TP53AIP1: variants seen among roughly 807,000 people sequenced by gnomAD.
TP53AIP1 encodes the protein tumor protein p53 regulated apoptosis inducing protein 1.
In TP53AIP1, 14 loss-of-function variants were observed where a neutral mutation model predicts 9.5. That is an observed-to-expected ratio of 1.47 (90% confidence interval 0.97 to 2.30). The LOEUF (loss-of-function observed/expected upper bound fraction) is 2.30. Ranked by LOEUF, TP53AIP1 falls within the 30% of genes most tolerant of loss-of-function variation. The pLI is 0.00. For synonymous variants in TP53AIP1, 73 were observed against 61.2 expected, an observed-to-expected ratio of 1.19 and a Z score of -0.90; for missense variants, 153 against 146.7, an observed-to-expected ratio of 1.04 and a Z score of -0.22.
chr11:128,942,622 GAGC>G (rs777289593), intron 1 of TP53AIP1, among the ~76,000 whole-genome samples, 169 bp downstream of exon 1: 5 of 152,222 alleles, frequency 3.3e-5, no homozygotes, highest in Non-Finnish European at 7.3e-5. Flanking sequence ...CATTGAGAGA[GAGC>G]AGTTTAGCTG....
At chr11:128,936,152 G>A (rs1030274980) in intron 3 of TP53AIP1, 4 of 1,034,552 alleles carry the variant, frequency 3.9e-6, no homozygotes, top group Non-Finnish European at 3.5e-6. Flanking sequence ...GTCAGGATTT[G>A]AACCCAGACC....
At position 128,936,385 on chromosome 11, in the gene TP53AIP1, C is replaced by G. The variant is rs1030327447; in HGVS notation, c.253+153G>C. 114 of 1,418,024 alleles carry G rather than the reference C, an allele frequency of 8.0e-5. No individual in the cohort carries two copies. In the East Asian group the frequency reaches 2.9e-3, roughly 36 times the overall value. 87.8% of individuals were successfully genotyped at this position (1,418,024 alleles called of 1,614,324 possible). A position where few individuals can be genotyped will look rare whatever the true frequency, so the allele number is the denominator to read the frequency against. Reference sequence around the variant, plus strand: ...AATACATCCACAGCAGTTTACAACTCTGCCATGATGTCATTTTGTCAGATG... The same window carrying G: ...AATACATCCACAGCAGTTTACAACTGTGCCATGATGTCATTTTGTCAGATG... On this transcript the variant is annotated intron_variant, in intron 3 of 3. Coordinates refer to ENST00000531399, the MANE Select transcript of TP53AIP1 (RefSeq NM_022112.3).
At chr11:128,936,126 G>T in intron 3 of TP53AIP1, 1 of 989,996 alleles carries the variant, frequency 1.0e-6, no homozygotes, top group South Asian at 3.9e-5. Context: ...TGTACACACA[G>T]CTCCTAAGTG....
In TP53AIP1 at chr11:128,937,310, C is replaced by T. The variant is rs1266801184; in HGVS notation, c.141+368G>A. The stretch of plus-strand genomic sequence containing the variant: ...GCCCTGCACCCCAGCCTTCCCTCCC[C>T]ATGCGCTCCACATGCGTCCTTTGTT... On this transcript the variant is annotated intron_variant, in intron 2 of 3. Coordinates refer to ENST00000531399, the MANE Select transcript of TP53AIP1 (RefSeq NM_022112.3). This position sits in a 1 kb window ranked among gnomAD's most constrained non-coding sequence, Gnocchi z 4.8. 3 of 1,379,164 alleles carry T rather than the reference C, an allele frequency of 2.2e-6. No individual in the cohort carries two copies. The highest frequency in any genetic ancestry group is 2.8e-6 in the Non-Finnish European group (3 of 1,070,356). 85.4% of individuals were successfully genotyped at this position (1,379,164 alleles called of 1,614,324 possible).
downstream of TP53AIP1, chr11:128,935,364 C>G: frequency 7.1e-7 from 1 of 1,414,236 alleles, no homozygotes; most frequent in Non-Finnish European, 9.2e-7. Context: ...GCAAACTTCA[C>G]AAGAATTTTT....
chr11:128,937,267 C>G lies in TP53AIP1; in HGVS notation c.141+411G>C, dbSNP rs572842487. The G allele has an allele frequency of 2.3e-6, 3 of 1,309,704 alleles. No individual in the cohort carries two copies. The East Asian group carries it at 8.8e-5, about 39-fold the overall frequency. The allele number at this position is 1,309,704 out of a possible 1,614,324, so 81.1% of individuals were successfully genotyped here. ...ACAAAAGCAGGATCCGGGGTGGACG[C>G]AGAAGAGCAGGCCCGGAGCCCTGCA... On this transcript the variant is annotated intron_variant, in intron 2 of 3. Coordinates refer to ENST00000531399, the MANE Select transcript of TP53AIP1 (RefSeq NM_022112.3). This position sits in a 1 kb window ranked among gnomAD's most constrained non-coding sequence, Gnocchi z 4.8.
At chr11:128,940,421 T>TG (rs933405794) in intron 1 of TP53AIP1, among the ~76,000 whole-genome samples, 2 of 152,240 alleles carry the variant, frequency 1.3e-5, no homozygotes, top group African/African-American at 4.8e-5. Flanking sequence ...CATTAAGAGG[T>TG]GGGGCCTTAA....
downstream of TP53AIP1, chr11:128,935,152 G>T (rs999728018): frequency 3.6e-6 from 3 of 836,374 alleles, no homozygotes; most frequent in African/African-American, 3.4e-5. Context: ...GCGGGGGCCC[G>T]GGGCTTGCTG....
At chr11:128,935,737 C>T (rs777995478) in intron 3 of TP53AIP1, 25 bp from the exon 4 acceptor site, 1 of 1,533,318 alleles carries the variant, frequency 6.5e-7, no homozygotes, top group Non-Finnish European at 8.7e-7. Flanking sequence ...AGAGAATTTA[C>T]TCTTTGCAAA....
chr11:128,942,679 CCG>C (rs1444979189), intron 1 of TP53AIP1, 113 bp downstream of exon 1: 1 of 152,344 alleles, frequency 6.6e-6, no homozygotes, highest in African/African-American at 2.4e-5. Flanking sequence ...ACTGTACTTT[CCG>C]CACACAGTCG....
In TP53AIP1 at chr11:128,937,414, C is replaced by G. The variant is rs1035818192; in HGVS notation, c.141+264G>C. 2 of 1,445,572 alleles carry G rather than the reference C, an allele frequency of 1.4e-6. No homozygotes were observed. Among genetic ancestry groups the G allele is most frequent in the African/African-American group, 2.8e-5 (2 of 70,188 alleles). The allele number at this position is 1,445,572 out of a possible 1,614,324, so 89.5% of individuals were successfully genotyped here. A position where few individuals can be genotyped will look rare whatever the true frequency, so the allele number is the denominator to read the frequency against. ...TCCAAAAGCCTTGTTTCTCAGAAAACCTTTCTGCCTCCTAGAAACCCAGGA... is the reference window on the plus strand; with the variant it reads ...TCCAAAAGCCTTGTTTCTCAGAAAAGCTTTCTGCCTCCTAGAAACCCAGGA... On this transcript the variant is annotated intron_variant, in intron 2 of 3. Transcript: ENST00000531399. The surrounding 1 kb of genome is among the most constrained non-coding windows in gnomAD (Gnocchi z 4.8).
Position 128,937,346 on chromosome 11 carries a change from A to C in TP53AIP1, c.141+332T>G. 7.0e-7 allele frequency: 1 copy of C among 1,419,862 alleles called. No individual in the cohort carries two copies. The highest frequency in any genetic ancestry group is 9.2e-7 in the Non-Finnish European group (1 of 1,091,172). The allele number at this position is 1,419,862 out of a possible 1,614,324, so 88.0% of individuals were successfully genotyped here. A position where few individuals can be genotyped will look rare whatever the true frequency, so the allele number is the denominator to read the frequency against. ...CATGCGTCCTTTGTTCAGCCTCTCC[A>C]TTTAGCTCTCACTTTCTGGATGCAG... On this transcript the variant is annotated intron_variant, in intron 2 of 3. Coordinates refer to ENST00000531399, the MANE Select transcript of TP53AIP1 (RefSeq NM_022112.3). This position sits in a 1 kb window ranked among gnomAD's most constrained non-coding sequence, Gnocchi z 4.8.
chr11:128,940,200 C>A (rs1944914304), intron 1 of TP53AIP1, among the ~76,000 whole-genome samples: 1 of 152,174 alleles, frequency 6.6e-6, no homozygotes, highest in African/African-American at 2.4e-5. Flanking sequence ...GCACAAGGGG[C>A]CAAGTTTTGT....
chr11:128,936,522 A>C lies in TP53AIP1; in HGVS notation c.253+16T>G. On this transcript the variant is annotated intron_variant, in intron 3 of 3. Coordinates refer to ENST00000531399, the MANE Select transcript of TP53AIP1 (RefSeq NM_022112.3). ...ACGGCCCACACCCATGAATTCACTA[A>C]GTAATTATCACACACCTGTCAGGAT... The C allele has an allele frequency of 6.5e-7, 1 of 1,547,054 alleles. No individual in the cohort carries two copies. The highest frequency in any genetic ancestry group is 1.4e-5 in the African/African-American group (1 of 73,268).
chr11:128,937,556 G>T lies in TP53AIP1; in HGVS notation c.141+122C>A. On this transcript the variant is annotated intron_variant, in intron 2 of 3. Transcript: ENST00000531399. This position sits in a 1 kb window ranked among gnomAD's most constrained non-coding sequence, Gnocchi z 4.8. ...GTCCGCATGCAGCTCTGAGGACCCA[G>T]ATGCTGTCACTGGGTCCTGGTGAGT... 6.2e-7 allele frequency: 1 copy of T among 1,614,066 alleles called. No individual in the cohort carries two copies. Among genetic ancestry groups the T allele is most frequent in the Non-Finnish European group, 8.5e-7 (1 of 1,180,010 alleles).
intron 1 of TP53AIP1, among the ~76,000 whole-genome samples, chr11:128,941,130 T>C (rs1178259540): frequency 2.6e-5 from 4 of 152,168 alleles, no homozygotes; most frequent in South Asian, 2.1e-4. Context: ...AAGGGGGCCG[T>C]GTTCTCTGAG....
chr11:128,937,799 G>A lies in TP53AIP1; in HGVS notation c.20C>T (p.Ala7Val), dbSNP rs35942033. 23,653 of 1,611,398 alleles carry A rather than the reference G, an allele frequency of 0.015. 357 individuals carry two copies. Among genetic ancestry groups the A allele is most frequent in the African/African-American group, 0.065 (4,899 of 74,848 alleles). Residue 7 changes from alanine to valine, a missense_variant, in exon 2 of 4, where the codon GCG (alanine) becomes GTG (valine). Physicochemically the swap from Ala to Val is moderately conservative, Grantham distance 64. Transcript: ENST00000531399. The surrounding 1 kb of genome is among the most constrained non-coding windows in gnomAD (Gnocchi z 4.8). The stretch of plus-strand genomic sequence containing the variant: ...GGAAGCTTGAGCAGATCTGAAGCTC[G>A]CCTCAGAGGAAGATCCCATCCAGGG... MGSSSE[A>V]SFRSAQASCS...
chr11:128,937,779 C>T lies in TP53AIP1; in HGVS notation c.40G>A (p.Ala14Thr). The T allele has an allele frequency of 6.2e-7, 1 of 1,613,798 alleles. No homozygotes were observed. Among genetic ancestry groups the T allele is most frequent in the Non-Finnish European group, 8.5e-7 (1 of 1,179,922 alleles). ...TGCCTCCTGGCCCCACTGCAGGAAG[C>T]TTGAGCAGATCTGAAGCTCGCCTCA... ...SSEASFRSAQ[A>T]SCSGARRQGL... Residue 14 changes from alanine to threonine, a missense_variant, in exon 2 of 4, where the codon GCT (alanine) becomes ACT (threonine). Coordinates refer to ENST00000531399, the MANE Select transcript of TP53AIP1 (RefSeq NM_022112.3). This position sits in a 1 kb window ranked among gnomAD's most constrained non-coding sequence, Gnocchi z 4.8.
At chr11:128,941,529 C>T (rs1345052878) in intron 1 of TP53AIP1, among the ~76,000 whole-genome samples, 3 of 152,236 alleles carry the variant, frequency 2.0e-5, no homozygotes, top group South Asian at 4.1e-4. Flanking sequence ...TGTGATAATG[C>T]CCCTGGGCCC....
Sources: gnomAD v4.1 joint callset for allele counts (sites outside exome capture counted in the v4.1 genomes callset) on GRCh38, gnomAD v4.1.1 for gene constraint, Gnocchi (gnomAD v3.1) non-coding constraint, MANE v1.5 for transcripts, NCBI Gene and HGNC (gene_info 2026-07-23, HGNC 2026-07-21) for gene names.